Variants in FAM114A1 observed in about 807,000 individuals in gnomAD.
The protein encoded by FAM114A1 is family with sequence similarity 114 member A1.
A neutral mutation model predicts 64.3 loss-of-function variants in FAM114A1; 62 were observed. That is an observed-to-expected ratio of 0.96 (90% CI 0.79 to 1.19). FAM114A1 has a LOEUF of 1.19. FAM114A1 is among the 50% of genes most tolerant of loss of function. The pLI, the probability that FAM114A1 is intolerant of heterozygous loss-of-function variation, is 0.00. For missense variants in FAM114A1, 645 were observed against 676.3 expected, an observed-to-expected ratio of 0.95 and a Z score of 0.51; for synonymous variants, 254 against 251.1, an observed-to-expected ratio of 1.01 and a Z score of -0.11.
intron 3 of FAM114A1, among the ~76,000 whole-genome samples, chr4:38,883,511 A>C (rs906648806): frequency 6.6e-6 from 1 of 152,192 alleles, no homozygotes; most frequent in Non-Finnish European, 1.5e-5. Flanking sequence ...CCTACTGCTC[A>C]ACACCAACGC....
chr4:38,937,702 C>T lies in FAM114A1; in HGVS notation c.1536+1912C>T, dbSNP rs146377169. Among the ~76,000 whole-genome samples the T allele has an allele frequency of 1.2e-3, 184 of 152,070 alleles. 2 individuals carry two copies. The highest frequency in any genetic ancestry group is 4.0e-3 in the African/African-American group (165 of 41,458). On this transcript the variant is annotated intron_variant, in intron 13 of 14. Transcript: ENST00000358869. ...ATGAAAGGCACTGGGGGAAATGAAC[C>T]GCTGTGGGGACCCAGCACCAGAGCT...
chr4:38,912,213 C>A (rs1376826511), intron 7 of FAM114A1, among the ~76,000 whole-genome samples: 1 of 151,964 alleles, frequency 6.6e-6, no homozygotes, highest in Admixed American at 6.6e-5. Flanking sequence ...CCTTGGATTC[C>A]ACACATGGAA....
chr4:38,929,379 C>A (rs2109778278), intron 10 of FAM114A1, 46 bp downstream of exon 10: 2 of 1,193,382 alleles, frequency 1.7e-6, no homozygotes, highest in Non-Finnish European at 2.4e-6. Context: ...AAAAACAGTG[C>A]AGGGGAGAGT....
intron 3 of FAM114A1, among the ~76,000 whole-genome samples, chr4:38,889,941 A>T (rs1716162775): frequency 6.6e-6 from 1 of 152,210 alleles, no homozygotes; most frequent in Admixed American, 6.5e-5. Context: ...AGCAAAAATG[A>T]CTGCTTCAAT....
At chr4:38,924,167 A>T (rs1349209034) in intron 9 of FAM114A1, among the ~76,000 whole-genome samples, 1 of 152,180 alleles carries the variant, frequency 6.6e-6, no homozygotes, top group African/African-American at 2.4e-5. Context: ...ACAATGATAT[A>T]TATATCAGGT....
intron 4 of FAM114A1, among the ~76,000 whole-genome samples, chr4:38,896,016 C>T (rs1324798354): frequency 6.6e-6 from 1 of 152,150 alleles, no homozygotes; most frequent in Non-Finnish European, 1.5e-5. Context: ...TTGTCAGTTA[C>T]ACCACCAATT....
chr4:38,918,997 A>G (rs570887784), intron 8 of FAM114A1, among the ~76,000 whole-genome samples: 20 of 152,174 alleles, frequency 1.3e-4, no homozygotes, highest in African/African-American at 4.8e-4. Flanking sequence ...TACTAAAAAT[A>G]CAAAAATTAG....
rs56370212 is a variant in FAM114A1, at chr4:38,882,318, CAAAAAAA to C, written c.348+3909_348+3915del. Among the ~76,000 whole-genome samples the C allele has an allele frequency of 8.2e-5, 4 of 48,792 alleles. No individual in the cohort carries two copies. The South Asian group carries it at 2.5e-3, about 31-fold the overall frequency. 32.0% of individuals were successfully genotyped at this position (48,792 alleles called of 152,430 possible). A position where few individuals can be genotyped will look rare whatever the true frequency, so the allele number is the denominator to read the frequency against. ...TGGGCGACAGAGCGAGACTCCGTCT[CAAAAAAA>C]AAAAAAAAAAAAAAAAGTTTCTGAC... is the stretch of plus-strand genomic sequence containing the variant. On this transcript the variant is annotated intron_variant, in intron 3 of 14. Coordinates refer to ENST00000358869, the MANE Select transcript of FAM114A1 (RefSeq NM_138389.4).
chr4:38,900,297 G>A (rs1056251294), intron 4 of FAM114A1, among the ~76,000 whole-genome samples: 23 of 151,616 alleles, frequency 1.5e-4, no homozygotes, highest in African/African-American at 5.6e-4. Context: ...CTCTTGGTGG[G>A]GTTATAAAAT....
At chr4:38,900,874 G>A (rs1020599521) in intron 4 of FAM114A1, among the ~76,000 whole-genome samples, 1 of 151,698 alleles carries the variant, frequency 6.6e-6, no homozygotes, top group Admixed American at 6.6e-5. Flanking sequence ...TATTGTGAAG[G>A]TATTTGGTAT....
At chr4:38,902,960 T>C (rs6824769) in intron 4 of FAM114A1, among the ~76,000 whole-genome samples, 76,724 of 151,860 alleles carry the variant, frequency 0.51, 19,483 homozygotes, top group Middle Eastern at 0.64. Flanking sequence ...GTGTCTAAAA[T>C]CTTAGCTATG....
intron 3 of FAM114A1, among the ~76,000 whole-genome samples, chr4:38,879,217 T>A (rs1383198314): frequency 6.6e-6 from 1 of 152,172 alleles, no homozygotes; most frequent in Non-Finnish European, 1.5e-5. Flanking sequence ...TGGAATGGAC[T>A]GCCTTCTAGA....
At chr4:38,937,708 G>A (rs1721226339) in intron 13 of FAM114A1, among the ~76,000 whole-genome samples, 1 of 151,942 alleles carries the variant, frequency 6.6e-6, no homozygotes, top group Non-Finnish European at 1.5e-5. Flanking sequence ...GAACCGCTGT[G>A]GGGACCCAGC....
rs1233407778 is a variant in FAM114A1, at chr4:38,944,606, T to G, written c.*1049T>G. 6.6e-6 allele frequency: 1 copy of G among 152,208 alleles called. No individual in the cohort carries two copies. The highest frequency in any genetic ancestry group is 1.5e-5 in the Non-Finnish European group (1 of 68,122). 9.4% of individuals were successfully genotyped at this position (152,208 alleles called of 1,614,324 possible). On this transcript the variant is annotated 3_prime_UTR_variant, in exon 15 of 15. Transcript: ENST00000358869. ...TGAGTGAGCACAGCTTCATCTGTATTTACAGCTGCTCCCCAGAGCTTGCAT... is the reference window on the plus strand; with the variant it reads ...TGAGTGAGCACAGCTTCATCTGTATGTACAGCTGCTCCCCAGAGCTTGCAT...
At chr4:38,922,346 T>C (rs181207472) in intron 8 of FAM114A1, among the ~76,000 whole-genome samples, 1 of 152,340 alleles carries the variant, frequency 6.6e-6, no homozygotes, top group East Asian at 1.9e-4. Context: ...TTAGTTTCCA[T>C]TTTATGGATA....
intron 4 of FAM114A1, among the ~76,000 whole-genome samples, 178 bp downstream of exon 4, chr4:38,892,008 C>A (rs1180693272): frequency 2.0e-5 from 3 of 152,112 alleles, no homozygotes; most frequent in Non-Finnish European, 4.4e-5. Flanking sequence ...TCAAAATAAC[C>A]CTATATGGAG....
At chr4:38,934,599 G>GA (rs1283550454) in intron 12 of FAM114A1, among the ~76,000 whole-genome samples, 1 of 152,116 alleles carries the variant, frequency 6.6e-6, no homozygotes, top group Non-Finnish European at 1.5e-5. Context: ...CTAACTGATA[G>GA]AAAAATATCA....
In FAM114A1 at chr4:38,941,076, C is replaced by CTTT. The variant is rs11398065; in HGVS notation, c.1590+67_1590+69dup. On this transcript the variant is annotated intron_variant, in intron 14 of 14. Transcript: ENST00000358869. Reference sequence around the variant, plus strand: ...TGAATCAAAGTAAATGTTAGAACTACTTTTTTTTTTTTTTGCCTTTCTTCC... The same window carrying CTTT: ...TGAATCAAAGTAAATGTTAGAACTACTTTTTTTTTTTTTTTTTGCCTTTCTTCC... The CTTT allele has an allele frequency of 1.0e-3, 1,263 of 1,234,832 alleles. 1 individual carries two copies. Among genetic ancestry groups the CTTT allele is most frequent in the Admixed American group, 1.9e-3 (78 of 40,196 alleles). 76.5% of individuals were successfully genotyped at this position (1,234,832 alleles called of 1,614,324 possible).
intron 2 of FAM114A1, among the ~76,000 whole-genome samples, chr4:38,871,597 G>A (rs1714086868): frequency 6.6e-6 from 1 of 152,060 alleles, no homozygotes; most frequent in South Asian, 2.1e-4. Flanking sequence ...GTTTGTGTTG[G>A]TTGAATGCAG....
Sources: gnomAD v4.1 joint callset for allele counts (sites outside exome capture counted in the v4.1 genomes callset) on GRCh38, gnomAD v4.1.1 for gene constraint, MANE v1.5 for transcripts, NCBI Gene and HGNC (gene_info 2026-07-23, HGNC 2026-07-21) for gene names.